IL6R: variants seen among roughly 807,000 people sequenced by gnomAD.
IL6R encodes interleukin-6 receptor subunit alpha.
A neutral mutation model predicts 48.3 loss-of-function variants in IL6R; 38 were observed. That is an observed-to-expected ratio of 0.79 (90% CI 0.61 to 1.03). The LOEUF is 1.03. IL6R is among the 50% of genes least tolerant of loss of function. The pLI is 0.00. For missense variants in IL6R, 534 were observed against 618.3 expected (o/e 0.86, Z 1.45); for synonymous variants, 264 against 256.2 (o/e 1.03, Z -0.29).
intron 6 of IL6R, among the ~76,000 whole-genome samples, chr1:154,447,759 T>G (rs1374358115): frequency 6.6e-6 from 1 of 151,542 alleles, no homozygotes; most frequent in African/African-American, 2.4e-5. Context: ...TTATTGCCCA[T>G]GCTGGAGTGC....
intron 6 of IL6R, among the ~76,000 whole-genome samples, chr1:154,440,745 C>A (rs1321635713): frequency 6.6e-6 from 1 of 151,652 alleles, no homozygotes; most frequent in African/African-American, 2.4e-5. Flanking sequence ...ACCTCCACCT[C>A]CTGGGGTTCA....
intron 1 of IL6R, among the ~76,000 whole-genome samples, chr1:154,413,689 T>G (rs1688168355): frequency 6.6e-6 from 1 of 152,178 alleles, no homozygotes; most frequent in Admixed American, 6.5e-5. Flanking sequence ...CTGTTCATAT[T>G]CAATGCTAAT....
Position 154,467,273 on chromosome 1 carries a change from T to C in IL6R, c.*1893T>C, listed in dbSNP as rs1691593950. The C allele has an allele frequency of 6.6e-6, 1 of 152,244 alleles. No individual in the cohort carries two copies. Among genetic ancestry groups the C allele is most frequent in the African/African-American group, 2.4e-5 (1 of 41,458 alleles). 9.4% of individuals were successfully genotyped at this position (152,244 alleles called of 1,614,324 possible). ...ATGATTAACCACTTCAGCTGACTTT[T>C]CTGTCCGAGCTTTGAAAATTCAGTG... On this transcript the variant is annotated 3_prime_UTR_variant, in exon 10 of 10. Coordinates refer to ENST00000368485, the MANE Select transcript of IL6R (RefSeq NM_000565.4).
At chr1:154,463,434 A>C (rs1410351219) in intron 9 of IL6R, among the ~76,000 whole-genome samples, 1 of 152,236 alleles carries the variant, frequency 6.6e-6, no homozygotes, top group Non-Finnish European at 1.5e-5. Context: ...GGAGCCAACT[A>C]TTAATTATTT....
At chr1:154,430,653 C>A (rs760187004) in intron 3 of IL6R, 47 bp downstream of exon 3, 1 of 1,612,652 alleles carries the variant, frequency 6.2e-7, no homozygotes, top group African/African-American at 1.3e-5. Context: ...CCCTCCTTCC[C>A]GAGGCCCCCC....
chr1:154,434,950 A>C, intron 4 of IL6R, 40 bp from the exon 5 acceptor site: 1 of 1,608,242 alleles, frequency 6.2e-7, no homozygotes, highest in Non-Finnish European at 8.5e-7. Context: ...TCTACACTAT[A>C]TTTGGTGCTG....
chr1:154,454,366 T>A, intron 8 of IL6R, 122 bp from the exon 9 acceptor site: 1 of 650,874 alleles, frequency 1.5e-6, no homozygotes, highest in Non-Finnish European at 2.7e-6. Flanking sequence ...GGAGGGGGGT[T>A]GGAGGGGAAG....
chr1:154,437,518 A>G (rs1327758909), intron 6 of IL6R: 6 of 445,174 alleles, frequency 1.3e-5, no homozygotes, highest in Non-Finnish European at 2.3e-5. Flanking sequence ...GGTTCAAGCA[A>G]TCCTCCCGCC....
chr1:154,431,342 T>C (rs1397429832), intron 3 of IL6R, among the ~76,000 whole-genome samples: 3 of 152,162 alleles, frequency 2.0e-5, no homozygotes, highest in Non-Finnish European at 2.9e-5. Flanking sequence ...AGGTTTACAA[T>C]TGAGTTTGAG....
At chr1:154,430,743 G>A in intron 3 of IL6R, 137 bp downstream of exon 3, 3 of 1,190,540 alleles carry the variant, frequency 2.5e-6, no homozygotes, top group Admixed American at 2.3e-5. Context: ...GGAGATGAGA[G>A]GGAACTGAGA....
rs1197804435 is a variant in IL6R, at chr1:154,467,603, G to A, written c.*2223G>A. 1 of 152,234 alleles carries A rather than the reference G, an allele frequency of 6.6e-6. No individual in the cohort carries two copies. The highest frequency in any genetic ancestry group is 2.4e-5 in the African/African-American group (1 of 41,454). The allele number at this position is 152,234 out of a possible 1,614,324, so 9.4% of individuals were successfully genotyped here. A position where few individuals can be genotyped will look rare whatever the true frequency, so the allele number is the denominator to read the frequency against. ...TGCTTGAGGCAACTCATCTTAGGTT[G>A]GCAAAAAGGCAGGATGGCCGGGCGC... On this transcript the variant is annotated 3_prime_UTR_variant, in exon 10 of 10. Transcript: ENST00000368485.
At chr1:154,449,395 C>G (rs1690458836) in intron 7 of IL6R, among the ~76,000 whole-genome samples, 1 of 152,130 alleles carries the variant, frequency 6.6e-6, no homozygotes, top group Admixed American at 6.5e-5. Context: ...TGCCTGTAAT[C>G]CCAGCTATTT....
intron 5 of IL6R, among the ~76,000 whole-genome samples, chr1:154,435,727 C>T (rs951044710): frequency 5.9e-5 from 9 of 152,178 alleles, no homozygotes; most frequent in Non-Finnish European, 1.3e-4. Context: ...GGGCTGTAGA[C>T]ATGTCAAGGG....
chr1:154,444,270 G>A (rs1303988258), intron 6 of IL6R, among the ~76,000 whole-genome samples: 1 of 150,378 alleles, frequency 6.6e-6, no homozygotes, highest in Non-Finnish European at 1.5e-5. Flanking sequence ...GTGCAATGGC[G>A]TGATCTCAGC....
At chr1:154,420,020 A>C (rs557138975) in intron 1 of IL6R, among the ~76,000 whole-genome samples, 6 of 151,844 alleles carry the variant, frequency 4.0e-5, no homozygotes, top group African/African-American at 1.4e-4. Flanking sequence ...GGGCAGGGAG[A>C]TATGGGCTTG....
chr1:154,455,676 T>A (rs993797012), intron 9 of IL6R, among the ~76,000 whole-genome samples: 1 of 151,154 alleles, frequency 6.6e-6, no homozygotes. Flanking sequence ...ATGGTCTCGA[T>A]CTCCTGACCT....
chr1:154,434,339 C>T (rs1302366853), intron 3 of IL6R, among the ~76,000 whole-genome samples, 180 bp from the exon 4 acceptor site: 6 of 151,960 alleles, frequency 3.9e-5, no homozygotes, highest in African/African-American at 1.5e-4. Flanking sequence ...AAACTTAACC[C>T]CTACTAGGTA....
At position 154,469,234 on chromosome 1, in the gene IL6R, A is replaced by C. The variant is rs1186737698; in HGVS notation, c.*3854A>C. Reference sequence around the variant, plus strand: ...TTATTGGATGGAGATCACATCTGTTAAATAGAATACCTCAACTCTACGTTG... The same window carrying C: ...TTATTGGATGGAGATCACATCTGTTCAATAGAATACCTCAACTCTACGTTG... On this transcript the variant is annotated 3_prime_UTR_variant, in exon 10 of 10. Coordinates refer to ENST00000368485, the MANE Select transcript of IL6R (RefSeq NM_000565.4). 2.0e-5 allele frequency: 3 copies of C among 152,250 alleles called. No individual in the cohort carries two copies. Among genetic ancestry groups the C allele is most frequent in the African/African-American group, 7.2e-5 (3 of 41,464 alleles). 9.4% of individuals were successfully genotyped at this position (152,250 alleles called of 1,614,324 possible). A position where few individuals can be genotyped will look rare whatever the true frequency, so the allele number is the denominator to read the frequency against.
At chr1:154,433,671 T>C (rs573797110) in intron 3 of IL6R, among the ~76,000 whole-genome samples, 1 of 152,200 alleles carries the variant, frequency 6.6e-6, no homozygotes, top group African/African-American at 2.4e-5. Flanking sequence ...CTAGGCTACA[T>C]GTTTATATAT....
Sources: gnomAD v4.1 joint callset for allele counts (sites outside exome capture counted in the v4.1 genomes callset) on GRCh38, gnomAD v4.1.1 for gene constraint, MANE v1.5 for transcripts, NCBI Gene and HGNC (gene_info 2026-07-23, HGNC 2026-07-21) for gene names.